MRPS9: variants seen among roughly 807,000 people sequenced by gnomAD.
MRPS9 encodes the protein mitochondrial ribosomal protein S9.
In MRPS9, 45 loss-of-function variants were observed where a neutral mutation model predicts 59.9. The ratio of observed to expected loss-of-function variants is 0.75; its 90% confidence interval spans 0.59 to 0.96. The LOEUF is 0.96. Among genes scored for constraint, MRPS9 ranks in the 40% least tolerant of loss-of-function variants. The pLI is 0.00. For synonymous variants in MRPS9, 171 were observed against 166.8 expected (o/e 1.03, Z -0.19); for missense variants, 473 against 481.1 (o/e 0.98, Z 0.16).
At chr2:105,089,108 G>A in intron 6 of MRPS9, 39 bp downstream of exon 6, 1 of 1,511,566 alleles carries the variant, frequency 6.6e-7, no homozygotes, top group Non-Finnish European at 9.1e-7. Flanking sequence ...AGTAAAATTT[G>A]AACTAAAAAC....
In MRPS9 at chr2:105,092,417, G is replaced by A. The variant is rs770559952; in HGVS notation, c.668G>A (p.Arg223Gln). 3.0e-5 allele frequency: 49 copies of A among 1,610,958 alleles called. No individual in the cohort carries two copies. In the East Asian group the frequency reaches 6.5e-4, roughly 21 times the overall value. The stretch of plus-strand genomic sequence containing the variant: ...TGTCTGCAGTATATGCAGTTCATTC[G>A]GCTGCTAGAAAAGTTATTGACATCG... ...LSDLDYMQFI[R>Q]LLEKLLTSQC... is the part of the protein sequence containing the mutation. Residue 223 changes from arginine (R) to glutamine (Q), a missense_variant, in exon 8 of 11, where the codon CGG (arginine) becomes CAG (glutamine). Coordinates refer to ENST00000258455, the MANE Select transcript of MRPS9 (RefSeq NM_182640.3).
In MRPS9 at chr2:105,091,380, G is replaced by T. The variant is rs563256440; in HGVS notation, c.652-1021G>T. 1.1e-5 allele frequency: 5 copies of T among 470,964 alleles called. No individual in the cohort carries two copies. In the East Asian group the frequency reaches 2.1e-4, roughly 20 times the overall value. The allele number at this position is 470,964 out of a possible 1,614,324, so 29.2% of individuals were successfully genotyped here. On this transcript the variant is annotated intron_variant, in intron 7 of 10. Coordinates refer to ENST00000258455, the MANE Select transcript of MRPS9 (RefSeq NM_182640.3). ...TCAAGAGAGTAGCTGAGCACAGAAC[G>T]CCCAGGCCAGTGACTGGAGAGGAGC...
At chr2:105,069,079 G>T (rs1431200994) in intron 2 of MRPS9, among the ~76,000 whole-genome samples, 1 of 152,078 alleles carries the variant, frequency 6.6e-6, no homozygotes, top group Non-Finnish European at 1.5e-5. Context: ...TTATAGCCTC[G>T]CCAACAGTGT....
At chr2:105,086,887 G>A (rs149662167) in intron 5 of MRPS9, among the ~76,000 whole-genome samples, 89 of 152,252 alleles carry the variant, frequency 5.8e-4, no homozygotes, top group African/African-American at 1.8e-3. Flanking sequence ...GTTTGCCTGC[G>A]TCTGTCCATT....
chr2:105,098,961 A>G (rs1173103188), intron 10 of MRPS9, among the ~76,000 whole-genome samples: 2 of 152,322 alleles, frequency 1.3e-5, no homozygotes, highest in East Asian at 1.9e-4. Flanking sequence ...AGCTAAGAGT[A>G]ACCCCAGCAG....
At chr2:105,096,487 G>A (rs1467219529) in intron 9 of MRPS9, among the ~76,000 whole-genome samples, 4 of 152,066 alleles carry the variant, frequency 2.6e-5, no homozygotes, top group Non-Finnish European at 5.9e-5. Flanking sequence ...TGTCTGTGGT[G>A]CCTGCCCCAG....
chr2:105,038,991 G>C (rs1487553393), intron 1 of MRPS9, among the ~76,000 whole-genome samples: 30 of 152,156 alleles, frequency 2.0e-4, no homozygotes, highest in Non-Finnish European at 1.5e-5. Flanking sequence ...CTGAGGCCTT[G>C]TAAACAAATT....
chr2:105,045,188 CAGTA>C (rs1411518792), intron 1 of MRPS9, among the ~76,000 whole-genome samples: 3 of 151,916 alleles, frequency 2.0e-5, no homozygotes, highest in Admixed American at 2.0e-4. Flanking sequence ...CTGAATAAGT[CAGTA>C]AGAATTCATT....
At chr2:105,060,720 A>G (rs1432519167) in intron 2 of MRPS9, among the ~76,000 whole-genome samples, 2 of 152,216 alleles carry the variant, frequency 1.3e-5, no homozygotes, top group African/African-American at 4.8e-5. Flanking sequence ...ACCATTTGCA[A>G]TGAGAACTTG....
chr2:105,041,258 A>G (rs1044499256), intron 1 of MRPS9, among the ~76,000 whole-genome samples: 1 of 152,202 alleles, frequency 6.6e-6, no homozygotes, highest in Non-Finnish European at 1.5e-5. Context: ...TTGGTTTTCT[A>G]TAATATTTGT....
chr2:105,045,447 T>C (rs547677868), intron 1 of MRPS9, among the ~76,000 whole-genome samples: 70 of 151,414 alleles, frequency 4.6e-4, no homozygotes, highest in African/African-American at 1.6e-3. Context: ...TTAAACCCCA[T>C]GTAACTTGGG....
intron 5 of MRPS9, among the ~76,000 whole-genome samples, chr2:105,085,655 A>G (rs1297808199): frequency 2.0e-5 from 3 of 152,176 alleles, no homozygotes; most frequent in African/African-American, 4.8e-5. Flanking sequence ...AATTTGACTC[A>G]TACATTATGG....
chr2:105,065,717 C>T (rs1171172504), intron 2 of MRPS9, among the ~76,000 whole-genome samples: 2 of 152,176 alleles, frequency 1.3e-5, no homozygotes, highest in African/African-American at 4.8e-5. Flanking sequence ...AAAGATTTTC[C>T]TGTTTTATAG....
chr2:105,076,114 T>G (rs1271645304), intron 4 of MRPS9, among the ~76,000 whole-genome samples: 1 of 152,184 alleles, frequency 6.6e-6, no homozygotes, highest in Non-Finnish European at 1.5e-5. Context: ...AAACATTCAC[T>G]AAAAACTATA....
At chr2:105,043,353 C>T (rs2104437376) in intron 1 of MRPS9, among the ~76,000 whole-genome samples, 1 of 152,102 alleles carries the variant, frequency 6.6e-6, no homozygotes, top group Middle Eastern at 3.4e-3. Flanking sequence ...TAGTAGTATC[C>T]CAGTTTCCCC....
intron 2 of MRPS9, among the ~76,000 whole-genome samples, chr2:105,066,064 G>GCGTGCC (rs1558755778): frequency 6.6e-6 from 1 of 152,218 alleles, no homozygotes; most frequent in African/African-American, 2.4e-5. Flanking sequence ...ATGGCAGACA[G>GCGTGCC]CGTGCCAGGA....
intron 5 of MRPS9, among the ~76,000 whole-genome samples, chr2:105,086,027 A>C (rs537058348): frequency 6.6e-6 from 1 of 152,156 alleles, no homozygotes; most frequent in Admixed American, 6.5e-5. Flanking sequence ...TAACTAACCA[A>C]GGTAGAATCT....
intron 9 of MRPS9, among the ~76,000 whole-genome samples, chr2:105,096,000 C>T (rs1310337561): frequency 6.6e-6 from 1 of 152,086 alleles, no homozygotes; most frequent in African/African-American, 2.4e-5. Context: ...ATAGATACTA[C>T]TTATAATACT....
intron 2 of MRPS9, among the ~76,000 whole-genome samples, chr2:105,064,962 T>C (rs993367610): frequency 1.3e-5 from 2 of 152,226 alleles, no homozygotes; most frequent in African/African-American, 4.8e-5. Context: ...ATTTCTATCA[T>C]AGGTCCTGTG....
Sources: allele counts gnomAD v4.1 joint callset (sites outside exome capture counted in the v4.1 genomes callset), GRCh38; gene constraint gnomAD v4.1.1; transcripts MANE v1.5; gene names NCBI Gene and HGNC (gene_info 2026-07-23, HGNC 2026-07-21).